The following NARS2 variants were observed in gnomAD, a reference collection of about 807,000 sequenced individuals.
The protein encoded by NARS2 is asparaginyl-tRNA synthetase 2, mitochondrial, also known as asparaginyl-tRNA synthetase.
A neutral mutation model predicts 62.9 loss-of-function variants in NARS2; 60 were observed. That is an observed-to-expected ratio of 0.95 (90% CI 0.77 to 1.18). NARS2 has a LOEUF of 1.18. NARS2 is among the 50% of genes most tolerant of loss of function. The pLI is 0.00. For synonymous variants in NARS2, 196 were observed against 200.0 expected, an observed-to-expected ratio of 0.98 and a Z score of 0.17; for missense variants, 619 against 576.4, an observed-to-expected ratio of 1.07 and a Z score of -0.76.
intron 13 of NARS2, 127 bp downstream of exon 13, chr11:78,440,964 C>A: frequency 1.2e-6 from 1 of 805,658 alleles, no homozygotes; most frequent in South Asian, 1.8e-5. Context: ...CTTCCCTGAC[C>A]TAAGAACAGT....
At chr11:78,492,946 G>T in intron 7 of NARS2, 117 bp downstream of exon 7, 1 of 831,092 alleles carries the variant, frequency 1.2e-6, no homozygotes, top group Non-Finnish European at 1.9e-6. Flanking sequence ...TTATTAAGTA[G>T]TTACCCCTTC....
rs919063844 is a variant in NARS2, at chr11:78,534,858, A to G, written c.595-5922T>C. Among the ~76,000 whole-genome samples, 3 of 151,944 alleles carry G rather than the reference A, an allele frequency of 2.0e-5. No homozygotes were observed. In the East Asian group the frequency reaches 5.8e-4, roughly 29 times the overall value. The stretch of plus-strand genomic sequence containing the variant: ...AAATTTCTCAATGGAAAGAGCATGG[A>G]AAAAAACCTCCATTTGTGTTAATCC... On this transcript the variant is annotated intron_variant, in intron 5 of 13. Coordinates refer to ENST00000281038, the MANE Select transcript of NARS2 (RefSeq NM_024678.6).
intron 5 of NARS2, among the ~76,000 whole-genome samples, chr11:78,534,778 C>T (rs1861610648): frequency 6.6e-6 from 1 of 151,992 alleles, no homozygotes; most frequent in South Asian, 2.1e-4. Flanking sequence ...AATTGAAAAA[C>T]GAATTGAAGT....
chr11:78,450,952 A>T (rs1191042962), intron 11 of NARS2, among the ~76,000 whole-genome samples: 2 of 152,156 alleles, frequency 1.3e-5, no homozygotes, highest in Non-Finnish European at 2.9e-5. Flanking sequence ...AAGTGCTGGG[A>T]TTACAGGCGT....
At chr11:78,509,112 G>GAAAAAAAAAAA (rs201305584) in intron 6 of NARS2, among the ~76,000 whole-genome samples, 1 of 84,736 alleles carries the variant, frequency 1.2e-5, no homozygotes, top group Non-Finnish European at 2.6e-5. Flanking sequence ...CTTTAAAAAG[G>GAAAAAAAAAAA]AAAAAAAAAA....
intron 6 of NARS2, among the ~76,000 whole-genome samples, chr11:78,506,329 T>C (rs1355894666): frequency 1.3e-5 from 2 of 152,222 alleles, no homozygotes; most frequent in East Asian, 3.8e-4. Flanking sequence ...CCTAGTTATT[T>C]ACCCAAGGGA....
At chr11:78,450,664 G>GTT (rs1857938667) in intron 11 of NARS2, among the ~76,000 whole-genome samples, 1 of 123,160 alleles carries the variant, frequency 8.1e-6, no homozygotes, top group African/African-American at 3.2e-5. Context: ...CAAAAGCCTT[G>GTT]TCTTTTTTTT....
intron 9 of NARS2, among the ~76,000 whole-genome samples, chr11:78,475,411 A>G (rs1213325156): frequency 6.6e-6 from 1 of 152,106 alleles, no homozygotes; most frequent in Non-Finnish European, 1.5e-5. Flanking sequence ...TCAGTTCTGC[A>G]TATGTACCCA....
chr11:78,485,220 C>T (rs1242754998), intron 7 of NARS2, among the ~76,000 whole-genome samples: 1 of 151,836 alleles, frequency 6.6e-6, no homozygotes, highest in Admixed American at 6.6e-5. Context: ...GAACATCACA[C>T]ACTGGGGCCT....
At chr11:78,487,781 A>G (rs1306201182) in intron 7 of NARS2, among the ~76,000 whole-genome samples, 1 of 152,250 alleles carries the variant, frequency 6.6e-6, no homozygotes, top group African/African-American at 2.4e-5. Flanking sequence ...GTCAAAAGAT[A>G]GCAGACTATA....
intron 6 of NARS2, among the ~76,000 whole-genome samples, chr11:78,515,290 AT>A (rs1860863078): frequency 6.6e-6 from 1 of 152,156 alleles, no homozygotes; most frequent in Non-Finnish European, 1.5e-5. Flanking sequence ...TCTCTAAAGC[AT>A]TGGTTCTCAG....
chr11:78,464,227 G>A (rs1463499747), intron 11 of NARS2, among the ~76,000 whole-genome samples: 1 of 152,064 alleles, frequency 6.6e-6, no homozygotes, highest in East Asian at 1.9e-4. Context: ...CTGGCTTCAG[G>A]AGTGAAGCTG....
At chr11:78,442,155 CAAAGA>C (rs1842412634) in intron 12 of NARS2, among the ~76,000 whole-genome samples, 1 of 152,148 alleles carries the variant, frequency 6.6e-6, no homozygotes, top group Admixed American at 6.5e-5. Flanking sequence ...AGGAAGCAAG[CAAAGA>C]AAACAGACCA....
chr11:78,443,764 GA>G lies in NARS2; in HGVS notation c.1165-7del, dbSNP rs764521503. 0.048 allele frequency: 54,677 copies of G among 1,136,572 alleles called. 5 individuals are homozygous for G. The highest frequency in any genetic ancestry group is 0.06 in the South Asian group (3,375 of 56,200). 70.4% of individuals were successfully genotyped at this position (1,136,572 alleles called of 1,614,324 possible). On this transcript the variant is annotated splice_region_variant and splice_polypyrimidine_tract_variant and intron_variant, in intron 11 of 13. Transcript: ENST00000281038. ...AGAAGATCAACAGCAGCAACCTAAG[GA>G]AAAAAAAAAAATTATTAGCATTATA...
At chr11:78,449,379 C>T (rs1394821659) in intron 11 of NARS2, among the ~76,000 whole-genome samples, 5 of 151,972 alleles carry the variant, frequency 3.3e-5, no homozygotes, top group South Asian at 4.2e-4. Flanking sequence ...CCTCGTGATC[C>T]GCCTGCCTCA....
At chr11:78,458,738 C>T (rs553068638) in intron 11 of NARS2, among the ~76,000 whole-genome samples, 1 of 152,290 alleles carries the variant, frequency 6.6e-6, no homozygotes, top group South Asian at 2.1e-4. Context: ...TAGGAATATA[C>T]CGATGAATGA....
intron 11 of NARS2, among the ~76,000 whole-genome samples, chr11:78,458,903 T>C (rs529968866): frequency 1.8e-4 from 27 of 151,724 alleles, no homozygotes; most frequent in African/African-American, 6.3e-4. Context: ...GATCTGATGG[T>C]GGGTTTTTTT....
intron 1 of NARS2, chr11:78,573,174 T>C (rs1213574220): frequency 2.6e-5 from 4 of 152,178 alleles, no homozygotes; most frequent in Admixed American, 1.3e-4. Flanking sequence ...CAGAAATCAC[T>C]GCAACGGCAA....
intron 3 of NARS2, 147 bp from the exon 4 acceptor site, chr11:78,566,419 C>T (rs1163930707): frequency 1.6e-6 from 1 of 631,778 alleles, no homozygotes; most frequent in East Asian, 3.1e-5. Flanking sequence ...TTTTAATCCA[C>T]ATTATTTCCA....
Sources: gnomAD v4.1 joint callset for allele counts (sites outside exome capture counted in the v4.1 genomes callset) on GRCh38, gnomAD v4.1.1 for gene constraint, MANE v1.5 for transcripts, NCBI Gene and HGNC (gene_info 2026-07-23, HGNC 2026-07-21) for gene names.